XYLT1: variants seen among roughly 807,000 people sequenced by gnomAD.
The protein encoded by XYLT1 is xylosyltransferase 1, also known as beta-D-xylosyltransferase 1.
In XYLT1, 36 loss-of-function variants were observed where a neutral mutation model predicts 91.3. That is an observed-to-expected ratio of 0.39 (90% CI 0.30 to 0.52). The LOEUF is 0.52. Ranked by LOEUF, XYLT1 falls within the 20% of genes least tolerant of loss-of-function variation. The pLI is 0.68. For synonymous variants in XYLT1, 588 were observed against 532.0 expected (o/e 1.11, Z -1.45); for missense variants, 1,242 against 1,284.5 (o/e 0.97, Z 0.51).
At chr16:17,345,303 A>T (rs1271667294) in intron 2 of XYLT1, among the ~76,000 whole-genome samples, 3 of 152,228 alleles carry the variant, frequency 2.0e-5, no homozygotes, top group Non-Finnish European at 4.4e-5. Context: ...CTGGTATTTC[A>T]ACTCGTGCTG....
chr16:17,240,910 C>T (rs1244666338), intron 3 of XYLT1, among the ~76,000 whole-genome samples: 1 of 152,156 alleles, frequency 6.6e-6, no homozygotes, highest in Non-Finnish European at 1.5e-5. Context: ...TTGGTAGACC[C>T]AGGATTCAAC....
intron 1 of XYLT1, among the ~76,000 whole-genome samples, chr16:17,427,068 T>G (rs1184723298): frequency 5.3e-5 from 8 of 152,172 alleles, no homozygotes; most frequent in Non-Finnish European, 1.2e-4. Flanking sequence ...AGAGCCCATG[T>G]GATGGGGAAT....
At chr16:17,274,497 G>A (rs904394244) in intron 2 of XYLT1, among the ~76,000 whole-genome samples, 3 of 152,158 alleles carry the variant, frequency 2.0e-5, no homozygotes, top group Non-Finnish European at 4.4e-5. Flanking sequence ...ACTAAAGTAT[G>A]CTTCCTGCTG....
intron 3 of XYLT1, among the ~76,000 whole-genome samples, 156 bp downstream of exon 3, chr16:17,258,832 G>A (rs531345388): frequency 1.3e-5 from 2 of 152,056 alleles, no homozygotes; most frequent in African/African-American, 4.8e-5. Context: ...AACACTCAGG[G>A]AGTACTAGAA....
At chr16:17,311,284 C>T (rs1379517321) in intron 2 of XYLT1, among the ~76,000 whole-genome samples, 2 of 152,184 alleles carry the variant, frequency 1.3e-5, no homozygotes, top group Non-Finnish European at 2.9e-5. Flanking sequence ...CTCAGATGGG[C>T]TGAATTAGAA....
At chr16:17,244,333 G>A (rs973699129) in intron 3 of XYLT1, among the ~76,000 whole-genome samples, 1 of 152,168 alleles carries the variant, frequency 6.6e-6, no homozygotes, top group Non-Finnish European at 1.5e-5. Context: ...GACCACGCAA[G>A]AAAATTGCTG....
At chr16:17,414,921 G>A (rs962430612) in intron 1 of XYLT1, among the ~76,000 whole-genome samples, 1 of 152,122 alleles carries the variant, frequency 6.6e-6, no homozygotes, top group African/African-American at 2.4e-5. Context: ...CGGTAACTGC[G>A]ATGATTCCTC....
chr16:17,407,950 C>G (rs1005205416), intron 1 of XYLT1, among the ~76,000 whole-genome samples: 3 of 152,244 alleles, frequency 2.0e-5, no homozygotes, highest in Non-Finnish European at 4.4e-5. Flanking sequence ...TCCCCTCCCT[C>G]TCTCTTGCTT....
rs183458784 is a variant in XYLT1 at position 17,208,827 on chromosome 16, C to T, written c.914-8173G>A. Among the ~76,000 whole-genome samples the T allele has an allele frequency of 1.8e-3, 280 of 152,252 alleles. 2 individuals carry two copies. The highest frequency in any genetic ancestry group is 6.4e-3 in the African/African-American group (265 of 41,534). Reference sequence around the variant, plus strand: ...GCAACCTCCACCTCCCGGGTTCAAGCGATTCTCCTGCCTCAGCCTCCTGAG... The same window carrying T: ...GCAACCTCCACCTCCCGGGTTCAAGTGATTCTCCTGCCTCAGCCTCCTGAG... On this transcript the variant is annotated intron_variant, in intron 3 of 11. Coordinates refer to ENST00000261381, the MANE Select transcript of XYLT1 (RefSeq NM_022166.4).
At chr16:17,463,731 A>G (rs545008605) in intron 1 of XYLT1, among the ~76,000 whole-genome samples, 59 of 152,384 alleles carry the variant, frequency 3.9e-4, no homozygotes, top group African/African-American at 1.4e-3. Flanking sequence ...CTACACAGGA[A>G]AGGATTAATT....
At chr16:17,303,189 C>T (rs1015099631) in intron 2 of XYLT1, among the ~76,000 whole-genome samples, 1 of 152,162 alleles carries the variant, frequency 6.6e-6, no homozygotes, top group African/African-American at 2.4e-5. Flanking sequence ...GGTTCCTGCC[C>T]TCATGGAAAT....
At chr16:17,153,196 T>C (rs1255718351) in intron 6 of XYLT1, among the ~76,000 whole-genome samples, 1 of 152,236 alleles carries the variant, frequency 6.6e-6, no homozygotes, top group Admixed American at 6.5e-5. Flanking sequence ...CATATATTAA[T>C]TCTTGCAACA....
chr16:17,333,753 C>G (rs112802615), intron 2 of XYLT1, among the ~76,000 whole-genome samples: 12,443 of 151,740 alleles, frequency 0.082, 520 homozygotes, highest in Non-Finnish European at 0.1. Flanking sequence ...ATGCCTGGCC[C>G]ATTTTTGTAT....
chr16:17,330,245 A>G (rs2034873812), intron 2 of XYLT1, among the ~76,000 whole-genome samples: 1 of 152,212 alleles, frequency 6.6e-6, no homozygotes, highest in South Asian at 2.1e-4. Flanking sequence ...GTATAAACAA[A>G]TAAGTGCAAA....
At chr16:17,295,978 G>T (rs775085219) in intron 2 of XYLT1, among the ~76,000 whole-genome samples, 1 of 152,086 alleles carries the variant, frequency 6.6e-6, no homozygotes, top group African/African-American at 2.4e-5. Context: ...AAATCTGGAG[G>T]TGTTTCATCT....
chr16:17,280,044 T>G (rs994744562), intron 2 of XYLT1, among the ~76,000 whole-genome samples: 1 of 152,144 alleles, frequency 6.6e-6, no homozygotes, highest in Admixed American at 6.5e-5. Context: ...CTGCCCATGG[T>G]CAGGGATATC....
At chr16:17,235,598 G>A (rs1473812161) in intron 3 of XYLT1, among the ~76,000 whole-genome samples, 1 of 152,172 alleles carries the variant, frequency 6.6e-6, no homozygotes, top group Non-Finnish European at 1.5e-5. Context: ...CTGAGTCACG[G>A]TAGAAATTAT....
chr16:17,147,392 A>G (rs897759587), intron 6 of XYLT1, among the ~76,000 whole-genome samples: 17 of 152,128 alleles, frequency 1.1e-4, no homozygotes, highest in African/African-American at 4.1e-4. Context: ...GACTAGCAAA[A>G]TTTTTCTTTC....
chr16:17,254,757 C>T (rs1252691507), intron 3 of XYLT1, among the ~76,000 whole-genome samples: 1 of 152,168 alleles, frequency 6.6e-6, no homozygotes, highest in East Asian at 1.9e-4. Context: ...ATGTGTTTAT[C>T]AACTGTTTAT....
Sources: gnomAD v4.1 joint callset for allele counts (sites outside exome capture counted in the v4.1 genomes callset) on GRCh38, gnomAD v4.1.1 for gene constraint, MANE v1.5 for transcripts, NCBI Gene and HGNC (gene_info 2026-07-23, HGNC 2026-07-21) for gene names.